The following NEDD4L variants were observed in gnomAD, a reference collection of about 807,000 sequenced individuals.
NEDD4L encodes the protein NEDD4 like E3 ubiquitin protein ligase.
In NEDD4L, 54 loss-of-function variants were observed where a neutral mutation model predicts 148.9. The ratio of observed to expected loss-of-function variants is 0.36; its 90% CI spans 0.29 to 0.45. The LOEUF is 0.45. NEDD4L is among the 20% of genes least tolerant of loss of function. The pLI, the probability that NEDD4L is intolerant of heterozygous loss-of-function variation, is 1.00. For missense variants in NEDD4L, 856 were observed against 1,233.8 expected, an observed-to-expected ratio of 0.69 and a Z score of 4.59; for synonymous variants, 433 against 440.7, an observed-to-expected ratio of 0.98 and a Z score of 0.22.
At chr18:58,310,537 T>G (rs1459108485) in intron 5 of NEDD4L, among the ~76,000 whole-genome samples, 1 of 152,228 alleles carries the variant, frequency 6.6e-6, no homozygotes, top group East Asian at 1.9e-4. Context: ...CAGTGACATA[T>G]TTTGAAGCAA....
At chr18:58,155,442 A>G (rs1457039808) in intron 1 of NEDD4L, among the ~76,000 whole-genome samples, 3 of 152,234 alleles carry the variant, frequency 2.0e-5, no homozygotes, top group African/African-American at 7.2e-5. Context: ...TATGATTCAT[A>G]ACACAGGGAA....
At chr18:58,143,519 T>C (rs1309046599) in intron 1 of NEDD4L, among the ~76,000 whole-genome samples, 1 of 152,216 alleles carries the variant, frequency 6.6e-6, no homozygotes, top group African/African-American at 2.4e-5. Flanking sequence ...CTCCGTGTTA[T>C]GCTGTGTTGC....
At chr18:58,069,185 G>C (rs1056099272) in intron 1 of NEDD4L, among the ~76,000 whole-genome samples, 1 of 149,934 alleles carries the variant, frequency 6.7e-6, no homozygotes, top group Non-Finnish European at 1.5e-5. Context: ...ATGTTCCCCT[G>C]TGGTTCCCTG....
At chr18:58,142,325 G>C (rs2033642920) in intron 1 of NEDD4L, among the ~76,000 whole-genome samples, 1 of 134,086 alleles carries the variant, frequency 7.5e-6, no homozygotes, top group South Asian at 2.2e-4. Context: ...TGGGATTACA[G>C]GCGTGAACCA....
intron 1 of NEDD4L, among the ~76,000 whole-genome samples, chr18:58,061,056 G>A (rs117572356): frequency 0.041 from 6,222 of 152,150 alleles, 173 homozygotes; most frequent in Non-Finnish European, 0.061. Flanking sequence ...CACTGTGCCC[G>A]GCCGCCTGGA....
At chr18:58,349,760 T>C (rs527616439) in intron 17 of NEDD4L, 146 bp downstream of exon 17, 9 of 656,508 alleles carry the variant, frequency 1.4e-5, no homozygotes, top group African/African-American at 1.3e-4. Context: ...ATTGGGTGTT[T>C]AGCTGAATTG....
intron 2 of NEDD4L, among the ~76,000 whole-genome samples, chr18:58,191,664 C>G (rs2040132640): frequency 6.6e-6 from 1 of 152,172 alleles, no homozygotes; most frequent in Non-Finnish European, 1.5e-5. Flanking sequence ...CATATATACT[C>G]CTGCCACCCT....
At chr18:58,190,080 T>A (rs773425367) in intron 2 of NEDD4L, 5 of 152,118 alleles carry the variant, frequency 3.3e-5, no homozygotes, top group Non-Finnish European at 5.9e-5. Flanking sequence ...TATGTTAGGG[T>A]GGTAGGAGTA....
intron 8 of NEDD4L, among the ~76,000 whole-genome samples, chr18:58,324,290 G>A (rs974376349): frequency 1.3e-5 from 2 of 152,216 alleles, no homozygotes; most frequent in African/African-American, 4.8e-5. Flanking sequence ...AGGATGTTAG[G>A]AAGGGAATAC....
chr18:58,255,741 C>T, intron 5 of NEDD4L: 1 of 1,232,426 alleles, frequency 8.1e-7, no homozygotes, highest in Non-Finnish European at 1.0e-6. Context: ...TTCTTCATGG[C>T]ATTCCACACC....
At chr18:58,128,743 C>T (rs887013330) in intron 1 of NEDD4L, among the ~76,000 whole-genome samples, 21 of 152,286 alleles carry the variant, frequency 1.4e-4, no homozygotes, top group East Asian at 1.9e-4. Context: ...CCGCTTAATG[C>T]GTTGTGGTTG....
At chr18:58,115,925 T>G (rs2085796359) in intron 1 of NEDD4L, among the ~76,000 whole-genome samples, 1 of 152,168 alleles carries the variant, frequency 6.6e-6, no homozygotes, top group Admixed American at 6.5e-5. Context: ...GCACTCTACG[T>G]TTGTTAACTT....
At chr18:58,356,140 T>C (rs955277009) in intron 18 of NEDD4L, among the ~76,000 whole-genome samples, 1 of 151,950 alleles carries the variant, frequency 6.6e-6, no homozygotes, top group Non-Finnish European at 1.5e-5. Flanking sequence ...TAACCTTTTG[T>C]AGAGATGGGT....
At chr18:58,387,717 A>C in intron 27 of NEDD4L, 1 of 471,378 alleles carries the variant, frequency 2.1e-6, no homozygotes. Context: ...GGAACAGCAA[A>C]AATAATCAGC....
intron 1 of NEDD4L, chr18:58,090,910 TA>T (rs1214731252): frequency 2.0e-5 from 3 of 152,256 alleles, no homozygotes; most frequent in Admixed American, 6.5e-5. Context: ...GATGAGAATC[TA>T]AAAGTCTTTG....
At chr18:58,246,559 G>T (rs1255986358) in intron 3 of NEDD4L, among the ~76,000 whole-genome samples, 1 of 152,096 alleles carries the variant, frequency 6.6e-6, no homozygotes, top group Non-Finnish European at 1.5e-5. Flanking sequence ...TTGCCTCCTG[G>T]GTTCAAGTGA....
intron 1 of NEDD4L, among the ~76,000 whole-genome samples, chr18:58,101,709 A>G (rs1324366939): frequency 1.3e-5 from 2 of 152,166 alleles, no homozygotes; most frequent in Non-Finnish European, 2.9e-5. Flanking sequence ...TATTCTATGC[A>G]TTTTTATTCA....
intron 1 of NEDD4L, among the ~76,000 whole-genome samples, chr18:58,055,417 A>G (rs922652516): frequency 3.9e-5 from 6 of 152,214 alleles, no homozygotes; most frequent in African/African-American, 1.2e-4. Flanking sequence ...TGTGTTTTCT[A>G]TATTTCTACA....
At chr18:58,392,641 T>A (rs539039070) in intron 30 of NEDD4L, among the ~76,000 whole-genome samples, 1 of 152,280 alleles carries the variant, frequency 6.6e-6, no homozygotes, top group Non-Finnish European at 1.5e-5. Flanking sequence ...CTAAAATTCA[T>A]GAATATTCAG....
Sources: allele counts gnomAD v4.1 joint callset (sites outside exome capture counted in the v4.1 genomes callset), GRCh38; gene constraint gnomAD v4.1.1; transcripts MANE v1.5; gene names NCBI Gene and HGNC (gene_info 2026-07-23, HGNC 2026-07-21).